TRIM55: variants seen among roughly 807,000 people sequenced by gnomAD.
TRIM55 encodes the protein tripartite motif-containing protein 55.
In TRIM55, 50 loss-of-function variants were observed where a neutral mutation model predicts 60.9. The ratio of observed to expected loss-of-function variants is 0.82; its 90% confidence interval spans 0.65 to 1.04. TRIM55 has a LOEUF of 1.04. TRIM55 is among the 50% of genes least tolerant of loss of function. The pLI, the probability that TRIM55 is intolerant of heterozygous loss-of-function variation, is 0.00. For missense variants in TRIM55, 681 were observed against 666.9 expected (o/e 1.02, Z -0.23); for synonymous variants, 237 against 238.1 (o/e 1.00, Z 0.04).
the TRIM55 span, among the ~76,000 whole-genome samples, chr8:66,118,578 G>C: frequency 1.3e-5 from 2 of 152,174 alleles, no homozygotes; most frequent in Non-Finnish European, 2.9e-5. Context: ...GGGATGGCAA[G>C]AATCTTTGTA....
intron 4 of TRIM55, among the ~76,000 whole-genome samples, chr8:66,147,069 A>G (rs1007624313): frequency 2.6e-5 from 4 of 152,220 alleles, no homozygotes; most frequent in African/African-American, 4.8e-5. Context: ...AAATGCTTCT[A>G]AAGCATCTGG....
chr8:66,150,032 CAACTT>C (rs1381472490), intron 5 of TRIM55, among the ~76,000 whole-genome samples, 154 bp downstream of exon 5: 2 of 152,116 alleles, frequency 1.3e-5, no homozygotes, highest in African/African-American at 4.8e-5. Context: ...TCTATTTAAA[CAACTT>C]AAATAGCATG....
intron 4 of TRIM55, among the ~76,000 whole-genome samples, chr8:66,145,446 A>G (rs1341561148): frequency 6.6e-6 from 1 of 152,264 alleles, no homozygotes; most frequent in African/African-American, 2.4e-5. Context: ...ATTAGAAAAT[A>G]TAATGATTTT....
chr8:66,113,451 C>T, the TRIM55 span: 3 of 453,036 alleles, frequency 6.6e-6, no homozygotes, highest in African/African-American at 4.0e-5. Context: ...TCGATTCCGG[C>T]TCGAAGGAGA....
intron 4 of TRIM55, among the ~76,000 whole-genome samples, chr8:66,148,802 A>G (rs894009516): frequency 6.6e-6 from 1 of 152,162 alleles, no homozygotes; most frequent in Non-Finnish European, 1.5e-5. Context: ...TAATCCCAGC[A>G]CTTTGGGAGG....
chr8:66,170,577 C>T (rs1391467251), intron 9 of TRIM55, among the ~76,000 whole-genome samples: 1 of 152,102 alleles, frequency 6.6e-6, no homozygotes, highest in East Asian at 1.9e-4. Context: ...TGGCAAGTAT[C>T]TGTGCCAGGT....
Position 66,175,281 on chromosome 8 carries a change from G to T in TRIM55, c.*688G>T, listed in dbSNP as rs1277456693. The T allele has an allele frequency of 6.6e-6, 1 of 152,206 alleles. No homozygotes were observed. The highest frequency in any genetic ancestry group is 6.5e-5 in the Admixed American group (1 of 15,282). The allele number at this position is 152,206 out of a possible 1,614,324, so 9.4% of individuals were successfully genotyped here. On this transcript the variant is annotated 3_prime_UTR_variant, in exon 10 of 10. Coordinates refer to ENST00000315962, the MANE Select transcript of TRIM55 (RefSeq NM_184085.2). ...TTAGTTGAATCTTCCAGCAAAAGCT[G>T]TCTACTTTCTCTTTTATTCACTGTG...
chr8:66,113,483 G>C, the TRIM55 span: 3 of 454,726 alleles, frequency 6.6e-6, no homozygotes, highest in African/African-American at 6.0e-5. Flanking sequence ...TTTTTCTCCA[G>C]CTCCCGATGA....
Position 66,129,896 on chromosome 8 carries a change from G to A in TRIM55, c.341+1420G>A, listed in dbSNP as rs555309837. Among the ~76,000 whole-genome samples, 21 of 152,288 alleles carry A rather than the reference G, an allele frequency of 1.4e-4. No homozygotes were observed. The South Asian group carries it at 4.2e-3, about 30-fold the overall frequency. ...GTCCAGTGTCTTGCACAGAATAGTTGCTCCATAAATCCCAGCTGATTAAGC... is the reference window on the plus strand; with the variant it reads ...GTCCAGTGTCTTGCACAGAATAGTTACTCCATAAATCCCAGCTGATTAAGC... On this transcript the variant is annotated intron_variant, in intron 2 of 9. Transcript: ENST00000315962.
chr8:66,114,717 G>A, the TRIM55 span: 1 of 446,228 alleles, frequency 2.2e-6, no homozygotes, highest in Non-Finnish European at 4.5e-6. Context: ...TCCGCAGGGC[G>A]GACTGCCTGG....
chr8:66,134,762 C>T (rs1221951189), intron 2 of TRIM55, among the ~76,000 whole-genome samples: 2 of 152,046 alleles, frequency 1.3e-5, no homozygotes, highest in Non-Finnish European at 2.9e-5. Flanking sequence ...CTGTCCCTAC[C>T]CCAAGCAGGT....
intron 4 of TRIM55, among the ~76,000 whole-genome samples, chr8:66,149,044 G>A (rs544073370): frequency 6.6e-6 from 1 of 152,268 alleles, no homozygotes; most frequent in South Asian, 2.1e-4. Context: ...GCTAGACTCT[G>A]TCTCAAAGAA....
At chr8:66,122,958 T>C (rs1214312400), upstream of TRIM55, among the ~76,000 whole-genome samples, 1 of 152,202 alleles carries the variant, frequency 6.6e-6, no homozygotes, top group African/African-American at 2.4e-5. Flanking sequence ...CTGTCTCTTC[T>C]GAGGAAAATC....
intron 5 of TRIM55, 81 bp downstream of exon 5, chr8:66,149,959 G>A (rs1300268967): frequency 8.6e-7 from 1 of 1,159,814 alleles, no homozygotes; most frequent in African/African-American, 1.6e-5. Context: ...ATTATTTTAT[G>A]TACATTTCAG....
At chr8:66,131,279 A>G (rs1809141911) in intron 2 of TRIM55, among the ~76,000 whole-genome samples, 2 of 152,110 alleles carry the variant, frequency 1.3e-5, no homozygotes, top group African/African-American at 2.4e-5. Context: ...ATTCATTACT[A>G]CTGGGCCTCT....
intron 2 of TRIM55, among the ~76,000 whole-genome samples, chr8:66,129,745 A>G (rs1020406804): frequency 6.6e-6 from 1 of 152,232 alleles, no homozygotes; most frequent in African/African-American, 2.4e-5. Context: ...ATTAAAAACC[A>G]ATTAATTATG....
chr8:66,114,692 C>T, the TRIM55 span: 12 of 454,496 alleles, frequency 2.6e-5, no homozygotes, highest in African/African-American at 1.4e-4. Flanking sequence ...AGGAACTGTT[C>T]GGCCCCATCT....
intron 2 of TRIM55, among the ~76,000 whole-genome samples, chr8:66,130,369 A>G (rs1054031347): frequency 6.6e-6 from 1 of 152,166 alleles, no homozygotes; most frequent in South Asian, 2.1e-4. Context: ...CTGTGGGACA[A>G]TTTTACTTGG....
intron 4 of TRIM55, 90 bp from the exon 5 acceptor site, chr8:66,149,554 TA>T (rs1810288979): frequency 2.0e-6 from 2 of 1,016,352 alleles, no homozygotes; most frequent in Non-Finnish European, 3.0e-6. Flanking sequence ...CCTACATAAG[TA>T]AATGTTCTTC....
Sources: gnomAD v4.1 joint callset for allele counts (sites outside exome capture counted in the v4.1 genomes callset) on GRCh38, gnomAD v4.1.1 for gene constraint, MANE v1.5 for transcripts, NCBI Gene and HGNC (gene_info 2026-07-23, HGNC 2026-07-21) for gene names.